EPHA3: variants seen among roughly 807,000 people sequenced by gnomAD.
The protein encoded by EPHA3 is ephrin type-A receptor 3.
A neutral mutation model predicts 107.1 loss-of-function variants in EPHA3; 42 were observed. The observed-to-expected ratio is 0.39, with a 90% confidence interval of 0.31 to 0.51. EPHA3 has a LOEUF of 0.51. EPHA3 is among the 20% of genes least tolerant of loss of function. The pLI, the probability that EPHA3 is intolerant of heterozygous loss-of-function variation, is 0.78. For synonymous variants in EPHA3, 461 were observed against 424.8 expected (o/e 1.09, Z -1.05); for missense variants, 1,183 against 1,211.2 (o/e 0.98, Z 0.35).
intron 3 of EPHA3, among the ~76,000 whole-genome samples, chr3:89,293,830 T>C (rs1706277641): frequency 3.3e-5 from 5 of 152,154 alleles, no homozygotes; most frequent in Admixed American, 3.3e-4. Flanking sequence ...TCTTAGGTAG[T>C]TCTTTATAGC....
Position 89,450,142 on chromosome 3 carries a change from C to T in EPHA3, c.2497-35C>T, listed in dbSNP as rs763389334. Reference sequence around the variant, plus strand: ...TAAACTAAGTGACACTTCCTGAAAACTTCCTGGTTCCTGAAAACTTTGCTT... The same window carrying T: ...TAAACTAAGTGACACTTCCTGAAAATTTCCTGGTTCCTGAAAACTTTGCTT... On this transcript the variant is annotated intron_variant, in intron 14 of 16. Coordinates refer to ENST00000336596, the MANE Select transcript of EPHA3 (RefSeq NM_005233.6). 4 of 1,522,534 alleles carry T rather than the reference C, an allele frequency of 2.6e-6. No homozygotes were observed. In the African/African-American group the frequency reaches 5.5e-5, roughly 21 times the overall value. 94.3% of individuals were successfully genotyped at this position (1,522,534 alleles called of 1,614,324 possible).
At chr3:89,160,213 T>C (rs2107067870) in intron 2 of EPHA3, among the ~76,000 whole-genome samples, 1 of 152,162 alleles carries the variant, frequency 6.6e-6, no homozygotes, top group Non-Finnish European at 1.5e-5. Context: ...ACAATCAGAA[T>C]GGATCTCACA....
chr3:89,459,443 C>A (rs1291243164), intron 15 of EPHA3, among the ~76,000 whole-genome samples: 1 of 150,176 alleles, frequency 6.7e-6, no homozygotes, highest in Non-Finnish European at 1.5e-5. Context: ...TTCTTTCTTT[C>A]TCTTTCTTTC....
chr3:89,320,132 T>C (rs1287166731), intron 3 of EPHA3, among the ~76,000 whole-genome samples: 8 of 151,922 alleles, frequency 5.3e-5, no homozygotes, highest in African/African-American at 1.9e-4. Flanking sequence ...TCAAAACTAG[T>C]CTTACTAGTA....
chr3:89,139,158 C>T (rs1010066683), intron 2 of EPHA3, among the ~76,000 whole-genome samples: 1 of 151,916 alleles, frequency 6.6e-6, no homozygotes, highest in African/African-American at 2.4e-5. Flanking sequence ...ATCCAGCAAT[C>T]GGGGAGACAG....
chr3:89,276,137 A>G (rs1457842286), intron 3 of EPHA3, among the ~76,000 whole-genome samples: 1 of 152,078 alleles, frequency 6.6e-6, no homozygotes, highest in Admixed American at 6.6e-5. Context: ...AAAAATGTCC[A>G]TACTCTCAAA....
chr3:89,184,070 T>C (rs1422077712), intron 2 of EPHA3, among the ~76,000 whole-genome samples: 1 of 151,970 alleles, frequency 6.6e-6, no homozygotes. Context: ...GGAGCAGTGT[T>C]TGGAATTTTC....
rs1707049413 is a variant in EPHA3 at position 89,321,823 on chromosome 3, T to C, written c.815-19093T>C. On this transcript the variant is annotated intron_variant, in intron 3 of 16. Coordinates refer to ENST00000336596, the MANE Select transcript of EPHA3 (RefSeq NM_005233.6). ...AGAAAATTTGGTTAAAATAACATTC[T>C]ATAAATAGCATTAAGCTTCTTGATA... Among the ~76,000 whole-genome samples, 4 of 152,250 alleles carry C rather than the reference T, an allele frequency of 2.6e-5. No individual in the cohort carries two copies. In the East Asian group the frequency reaches 7.7e-4, roughly 29 times the overall value.
At chr3:89,277,796 A>G (rs1454033143) in intron 3 of EPHA3, among the ~76,000 whole-genome samples, 1 of 152,092 alleles carries the variant, frequency 6.6e-6, no homozygotes, top group Non-Finnish European at 1.5e-5. Context: ...AAAATTCCCT[A>G]TGCATTAGCT....
intron 2 of EPHA3, among the ~76,000 whole-genome samples, chr3:89,193,497 G>T (rs1705766252): frequency 6.6e-6 from 1 of 151,974 alleles, no homozygotes; most frequent in Admixed American, 6.6e-5. Context: ...TAGAGAGGAG[G>T]AGTAAGTGCT....
intron 2 of EPHA3, among the ~76,000 whole-genome samples, chr3:89,161,059 A>G (rs1559758058): frequency 6.6e-6 from 1 of 152,152 alleles, no homozygotes; most frequent in South Asian, 2.1e-4. Flanking sequence ...CTGAGTGATG[A>G]TCTCATCTCA....
chr3:89,476,652 G>T (rs1478562662), intron 16 of EPHA3, among the ~76,000 whole-genome samples: 1 of 149,774 alleles, frequency 6.7e-6, no homozygotes, highest in East Asian at 2.0e-4. Context: ...CTGTCGCCCA[G>T]GCTGGAGTGC....
intron 3 of EPHA3, among the ~76,000 whole-genome samples, chr3:89,230,696 A>G (rs1281078190): frequency 3.3e-5 from 5 of 151,978 alleles, no homozygotes; most frequent in African/African-American, 1.2e-4. Flanking sequence ...TATAAAATCA[A>G]TCAGTTATTA....
At chr3:89,345,757 CT>C (rs1707634195) in intron 5 of EPHA3, among the ~76,000 whole-genome samples, 1 of 137,632 alleles carries the variant, frequency 7.3e-6, no homozygotes, top group Non-Finnish European at 1.6e-5. Context: ...CCAATGCTAT[CT>C]CTCCCCCCTC....
At chr3:89,296,382 T>C (rs1380234630) in intron 3 of EPHA3, among the ~76,000 whole-genome samples, 1 of 152,246 alleles carries the variant, frequency 6.6e-6, no homozygotes, top group Non-Finnish European at 1.5e-5. Flanking sequence ...ATGAATGTTA[T>C]GTTAACACGC....
chr3:89,460,931 G>A (rs570269167), intron 15 of EPHA3, among the ~76,000 whole-genome samples: 1 of 101,676 alleles, frequency 9.8e-6, no homozygotes, highest in Admixed American at 9.8e-5. Context: ...ACCCACTAAT[G>A]TGTCATCTAG....
intron 7 of EPHA3, among the ~76,000 whole-genome samples, chr3:89,405,180 G>C (rs932004730): frequency 2.0e-5 from 3 of 152,040 alleles, no homozygotes; most frequent in African/African-American, 7.2e-5. Context: ...AAGAGTTGAG[G>C]AGGGGAAGCC....
intron 2 of EPHA3, among the ~76,000 whole-genome samples, chr3:89,169,457 A>G (rs1176998582): frequency 1.1e-4 from 16 of 152,182 alleles, no homozygotes; most frequent in African/African-American, 3.9e-4. Context: ...TATTTAAATG[A>G]TTCTTGCTTT....
intron 3 of EPHA3, among the ~76,000 whole-genome samples, chr3:89,223,040 A>G (rs1350502893): frequency 1.1e-4 from 17 of 152,218 alleles, no homozygotes; most frequent in South Asian, 2.1e-4. Context: ...TATTTAAAGC[A>G]ACCCTTTCAT....
Sources: allele counts gnomAD v4.1 joint callset (sites outside exome capture counted in the v4.1 genomes callset), GRCh38; gene constraint gnomAD v4.1.1; transcripts MANE v1.5; gene names NCBI Gene and HGNC (gene_info 2026-07-23, HGNC 2026-07-21).